ATF2: variants seen among roughly 807,000 people sequenced by gnomAD.
ATF2 encodes the protein activating transcription factor 2, also known as cyclic AMP-dependent transcription factor ATF-2.
Under a neutral mutation model 60.6 loss-of-function variants are expected in ATF2, and 24 were observed. That is an observed-to-expected ratio of 0.40 (90% CI 0.29 to 0.56). The LOEUF (loss-of-function observed/expected upper bound fraction) is 0.56, where lower values mean the gene tolerates loss of function less well. Among genes scored for constraint, ATF2 ranks in the 20% least tolerant of loss-of-function variants. The pLI is 0.54. For missense variants in ATF2, 433 were observed against 607.7 expected (o/e 0.71, Z 3.02); for synonymous variants, 206 against 215.4 (o/e 0.96, Z 0.38).
intron 3 of ATF2, among the ~76,000 whole-genome samples, chr2:175,132,282 T>TA (rs1450224532): frequency 6.6e-6 from 1 of 152,220 alleles, no homozygotes; most frequent in African/African-American, 2.4e-5. Context: ...GTCTTAAAAA[T>TA]ACACGTAAAT....
intron 10 of ATF2, 48 bp from the exon 11 acceptor site, chr2:175,097,641 A>C: frequency 1.3e-6 from 2 of 1,593,054 alleles, no homozygotes; most frequent in Non-Finnish European, 1.7e-6. Context: ...CTTAAAGATC[A>C]TCATGAATAT....
At chr2:175,140,471 G>A (rs573305129) in intron 2 of ATF2, among the ~76,000 whole-genome samples, 12 of 152,278 alleles carry the variant, frequency 7.9e-5, no homozygotes, top group Admixed American at 5.2e-4. Context: ...ACTGGTTGCT[G>A]AGGGACAGGA....
In ATF2 at chr2:175,074,274, A is replaced by C. The variant is rs745509472; in HGVS notation, c.*335T>G. ...GTCAAAAGAAATGGAAGTGGGAAGA[A>C]AGATTCAGTAACACCCCCATTTATT... On this transcript the variant is annotated 3_prime_UTR_variant, in exon 14 of 14. Coordinates refer to ENST00000264110, the MANE Select transcript of ATF2 (RefSeq NM_001880.4). 5.4e-6 allele frequency: 1 copy of C among 185,326 alleles called. No homozygotes were observed. Among genetic ancestry groups the C allele is most frequent in the African/African-American group, 2.4e-5 (1 of 41,758 alleles). 11.5% of individuals were successfully genotyped at this position (185,326 alleles called of 1,614,324 possible). A position where few individuals can be genotyped will look rare whatever the true frequency, so the allele number is the denominator to read the frequency against.
At chr2:175,147,978 A>C (rs1208090165) in intron 2 of ATF2, 6 of 152,144 alleles carry the variant, frequency 3.9e-5, no homozygotes. Flanking sequence ...CTCTTCAGGA[A>C]ATCTGTAGAA....
At chr2:175,127,061 G>C (rs1697386206) in intron 4 of ATF2, 1 of 151,342 alleles carries the variant, frequency 6.6e-6, no homozygotes. Context: ...GAGAGATCCT[G>C]TATCCAAAAA....
chr2:175,150,601 A>G (rs1699247523), intron 2 of ATF2, among the ~76,000 whole-genome samples: 1 of 152,118 alleles, frequency 6.6e-6, no homozygotes, highest in Admixed American at 6.6e-5. Context: ...AACTTAGTTG[A>G]TATCATTCAA....
In ATF2 at chr2:175,114,016, A is replaced by G. The variant is rs770045341; in HGVS notation, c.719T>C (p.Val240Ala). 1.2e-6 allele frequency: 2 copies of G among 1,611,208 alleles called. No homozygotes were observed. The highest frequency in any genetic ancestry group is 1.7e-6 in the Non-Finnish European group (2 of 1,178,706). ...TACTGGGACTGCAGCTGGAACATGC[A>G]CATTAGAACTTGTAATTGATGCAGG... ...AIPASITSSN[V>A]HVPAAVPLVR... The change falls in exon 9 of 14, where the codon GTG (valine) becomes GCG (alanine). Residue 240 changes from valine to alanine, a missense_variant. Physicochemically the swap from Val to Ala is moderately conservative, Grantham distance 64. Around this residue, in one of 5 missense-constraint regions of ATF2, gnomAD observed 246 missense variants for 309.3 expected, o/e 0.80. Coordinates refer to ENST00000264110, the MANE Select transcript of ATF2 (RefSeq NM_001880.4).
At chr2:175,076,518 C>T (rs1693306623) in intron 13 of ATF2, among the ~76,000 whole-genome samples, 2 of 152,106 alleles carry the variant, frequency 1.3e-5, no homozygotes, top group African/African-American at 4.8e-5. Flanking sequence ...AAATAGTGAA[C>T]ATAGCACCCA....
At chr2:175,146,647 C>A (rs1698972631) in intron 2 of ATF2, among the ~76,000 whole-genome samples, 2 of 152,146 alleles carry the variant, frequency 1.3e-5, no homozygotes, top group Non-Finnish European at 1.5e-5. Context: ...ATGGACAACT[C>A]CAGAAACAAA....
chr2:175,112,732 T>C (rs1696283705), intron 9 of ATF2, among the ~76,000 whole-genome samples: 1 of 152,082 alleles, frequency 6.6e-6, no homozygotes, highest in Non-Finnish European at 1.5e-5. Context: ...TACAGGTGCT[T>C]CCATCACAAC....
At chr2:175,162,202 A>G (rs1473638791) in intron 1 of ATF2, among the ~76,000 whole-genome samples, 1 of 152,268 alleles carries the variant, frequency 6.6e-6, no homozygotes, top group Non-Finnish European at 1.5e-5. Context: ...AATGTCAGAA[A>G]ATATGAAATA....
intron 12 of ATF2, chr2:175,092,506 T>C: frequency 3.3e-6 from 1 of 303,732 alleles, no homozygotes; most frequent in South Asian, 3.2e-5. Flanking sequence ...GGCAGGGCAG[T>C]ATGAAATGAT....
At chr2:175,105,293 C>T (rs1210772285) in intron 10 of ATF2, among the ~76,000 whole-genome samples, 1 of 147,948 alleles carries the variant, frequency 6.8e-6, no homozygotes, top group Non-Finnish European at 1.5e-5. Context: ...AAGTCACCAT[C>T]AAGGGCATTA....
chr2:175,099,670 T>C (rs766811755), intron 10 of ATF2, among the ~76,000 whole-genome samples: 2 of 152,220 alleles, frequency 1.3e-5, no homozygotes, highest in Non-Finnish European at 2.9e-5. Context: ...TGTGTTGTTG[T>C]ATTATCTGTA....
intron 10 of ATF2, among the ~76,000 whole-genome samples, chr2:175,100,921 TG>T (rs1429871844): frequency 6.6e-6 from 1 of 152,194 alleles, no homozygotes; most frequent in African/African-American, 2.4e-5. Flanking sequence ...TGTACTCTCA[TG>T]GGAAAACTGC....
chr2:175,153,622 G>A (rs1699454696), intron 1 of ATF2, among the ~76,000 whole-genome samples: 2 of 152,094 alleles, frequency 1.3e-5, no homozygotes, highest in African/African-American at 4.8e-5. Context: ...AAGGTCAGGA[G>A]TTCGAGACCA....
intron 9 of ATF2, among the ~76,000 whole-genome samples, chr2:175,112,088 T>C (rs751945796): frequency 1.3e-5 from 2 of 152,242 alleles, no homozygotes; most frequent in Non-Finnish European, 2.9e-5. Context: ...TACCACATAA[T>C]AACAAATAAC....
intron 13 of ATF2, among the ~76,000 whole-genome samples, chr2:175,078,503 G>T (rs1351847002): frequency 1.3e-5 from 2 of 152,012 alleles, no homozygotes; most frequent in African/African-American, 4.8e-5. Context: ...TAACTGTTGG[G>T]GTGACTAACT....
At chr2:175,133,627 G>A (rs1697910075) in intron 3 of ATF2, among the ~76,000 whole-genome samples, 1 of 152,104 alleles carries the variant, frequency 6.6e-6, no homozygotes, top group African/African-American at 2.4e-5. Flanking sequence ...TTAATGTTAT[G>A]TCAATTAAGG....
Sources: gnomAD v4.1 joint callset for allele counts (sites outside exome capture counted in the v4.1 genomes callset) on GRCh38, gnomAD v4.1.1 for gene constraint, gnomAD v4.1.1 regional missense constraint, MANE v1.5 for transcripts, NCBI Gene and HGNC (gene_info 2026-07-23, HGNC 2026-07-21) for gene names.